Variants in OR11A1 observed in about 807,000 individuals in gnomAD.
OR11A1 encodes the protein olfactory receptor 11A1.
For missense variants in OR11A1, 380 were observed against 378.2 expected, an observed-to-expected ratio of 1.00 and a Z score of -0.04; for synonymous variants, 158 against 152.2, an observed-to-expected ratio of 1.04 and a Z score of -0.28.
At position 29,440,341 on chromosome 6, in the gene OR11A1, C is replaced by A. The variant is rs778887828; in HGVS notation, c.-388-8354G>T. On this transcript the variant is annotated intron_variant, in intron 1 of 4. Transcript: ENST00000377149. ...TTCTTCTTCCTCTTCTTTGGCGCCACGGAGTGCTGCCTCCTGGCAGCCATG... is the reference window on the plus strand; with the variant it reads ...TTCTTCTTCCTCTTCTTTGGCGCCAAGGAGTGCTGCCTCCTGGCAGCCATG... 2 of 1,614,088 alleles carry A rather than the reference C, an allele frequency of 1.2e-6. No individual in the cohort carries two copies. Among genetic ancestry groups the A allele is most frequent in the East Asian group, 4.5e-5 (2 of 44,870 alleles).
chr6:29,446,767 G>A (rs985064522), intron 1 of OR11A1, among the ~76,000 whole-genome samples: 1 of 152,172 alleles, frequency 6.6e-6, no homozygotes, highest in Non-Finnish European at 1.5e-5. Flanking sequence ...ACCAGTCAGT[G>A]ACCAAGCCCT....
At chr6:29,443,193 G>GTGGTGTGTA (rs1784379782) in intron 1 of OR11A1, among the ~76,000 whole-genome samples, 1 of 152,106 alleles carries the variant, frequency 6.6e-6, no homozygotes, top group African/African-American at 2.4e-5. Context: ...ACCCATGTAT[G>GTGGTGTGTA]CACCATGACA....
rs541712940 is a variant in OR11A1, at chr6:29,426,550, C to T, written c.*144G>A. 3.3e-6 allele frequency: 2 copies of T among 610,848 alleles called. No homozygotes were observed. Among genetic ancestry groups the T allele is most frequent in the South Asian group, 2.5e-5 (1 of 39,882 alleles). 37.8% of individuals were successfully genotyped at this position (610,848 alleles called of 1,614,324 possible). A position where few individuals can be genotyped will look rare whatever the true frequency, so the allele number is the denominator to read the frequency against. On this transcript the variant is annotated 3_prime_UTR_variant, in exon 5 of 5. Coordinates refer to ENST00000377149, the MANE Select transcript of OR11A1 (RefSeq NM_001394828.1). ...AAAATAAAAGTTAAAAAATTGTTGC[C>T]CTATCATTTTCATTTTTAGTATAAC...
chr6:29,438,536 GA>G (rs773455532), intron 1 of OR11A1, among the ~76,000 whole-genome samples: 14 of 152,108 alleles, frequency 9.2e-5, no homozygotes, highest in African/African-American at 3.4e-4. Context: ...ACAGTGATGG[GA>G]AAAAATCATG....
At chr6:29,430,488 GA>G in intron 2 of OR11A1, 63 bp from the exon 3 acceptor site, 3 of 941,400 alleles carry the variant, frequency 3.2e-6, no homozygotes, top group Non-Finnish European at 3.8e-6. Flanking sequence ...AATAGCTCAT[GA>G]CCACTACCTC....
intron 1 of OR11A1, chr6:29,440,676 C>G (rs1234123609): frequency 1.2e-6 from 2 of 1,614,060 alleles, no homozygotes; most frequent in Middle Eastern, 1.6e-4. Context: ...CGGGCGTATC[C>G]TCGTTACCAT....
Position 29,437,472 on chromosome 6 carries a change from C to G in OR11A1, c.-388-5485G>C, listed in dbSNP as rs189965016. 8.6e-5 allele frequency among the ~76,000 whole-genome samples: 13 copies of G among 150,750 alleles called. No individual in the cohort carries two copies. The South Asian group carries it at 1.5e-3, about 17-fold the overall frequency. ...ATAAAACCCATATTCAACTTTCCCA[C>G]TTGTTCCAAATCTTTTTTATAGTTG... is the stretch of plus-strand genomic sequence containing the variant. On this transcript the variant is annotated intron_variant, in intron 1 of 4. Coordinates refer to ENST00000377149, the MANE Select transcript of OR11A1 (RefSeq NM_001394828.1).
chr6:29,445,199 G>T (rs1212498032), intron 1 of OR11A1, among the ~76,000 whole-genome samples: 2 of 152,194 alleles, frequency 1.3e-5, no homozygotes, highest in African/African-American at 4.8e-5. Context: ...TAGAGACGGG[G>T]TTTCACCATG....
At chr6:29,447,916 A>G (rs182665601) in intron 1 of OR11A1, among the ~76,000 whole-genome samples, 1 of 151,812 alleles carries the variant, frequency 6.6e-6, no homozygotes, top group African/African-American at 2.4e-5. Flanking sequence ...TAGAAAGTAA[A>G]TGAGTCACAG....
intron 1 of OR11A1, among the ~76,000 whole-genome samples, chr6:29,434,417 A>G (rs1783480356): frequency 6.6e-6 from 1 of 152,168 alleles, no homozygotes. Context: ...TATTAAAAAG[A>G]CTTTTCTTTC....
At chr6:29,427,789 A>G (rs1278574549) in intron 4 of OR11A1, 57 bp from the exon 5 acceptor site, 3 of 1,279,126 alleles carry the variant, frequency 2.3e-6, no homozygotes, top group African/African-American at 3.0e-5. Context: ...AGACTCGCTC[A>G]CGCAAGTCTT....
chr6:29,438,324 G>T (rs539516560), intron 1 of OR11A1, among the ~76,000 whole-genome samples: 2 of 152,186 alleles, frequency 1.3e-5, no homozygotes, highest in South Asian at 2.1e-4. Context: ...AGTGACAATT[G>T]TATAAGAAAA....
intron 1 of OR11A1, 86 bp from the exon 2 acceptor site, chr6:29,432,073 T>G (rs1451628061): frequency 1.1e-6 from 1 of 871,246 alleles, no homozygotes; most frequent in African/African-American, 1.8e-5. Flanking sequence ...CTCCATCCCC[T>G]TTTCTAGCTC....
chr6:29,439,430 C>A (rs1360921266), intron 1 of OR11A1: 1 of 152,288 alleles, frequency 6.6e-6, no homozygotes, highest in African/African-American at 2.4e-5. Context: ...AAGAGAGGAT[C>A]TTTCTCATTT....
At chr6:29,450,080 G>A (rs1432669233) in intron 1 of OR11A1, 2 of 152,202 alleles carry the variant, frequency 1.3e-5, no homozygotes, top group African/African-American at 2.4e-5. Context: ...CGAAAAATGG[G>A]CCTGTGGCAG....
rs1461641287 is a variant in OR11A1, at chr6:29,455,767, T to C, written c.-389+1220A>G. On this transcript the variant is annotated intron_variant, in intron 1 of 4. Coordinates refer to ENST00000377149, the MANE Select transcript of OR11A1 (RefSeq NM_001394828.1). ...AGCATGCGCCTGTAATCCCAGCTAC[T>C]TGGGAGGCTGGGGCAGGAGTATCGC... 2.7e-5 allele frequency among the ~76,000 whole-genome samples: 4 copies of C among 150,318 alleles called. 1 individual carries two copies. The Admixed American group carries it at 2.7e-4, about 10-fold the overall frequency.
At chr6:29,434,453 T>A (rs1783482404) in intron 1 of OR11A1, among the ~76,000 whole-genome samples, 1 of 152,232 alleles carries the variant, frequency 6.6e-6, no homozygotes, top group African/African-American at 2.4e-5. Context: ...GTTTATATGA[T>A]CATATGGTTT....
chr6:29,428,690 G>A (rs1045098614), intron 4 of OR11A1, among the ~76,000 whole-genome samples: 8 of 148,460 alleles, frequency 5.4e-5, no homozygotes, highest in Admixed American at 2.8e-4. Context: ...TCAGGAGGCG[G>A]AGCTTGCAGT....
In OR11A1 at chr6:29,428,654, T is replaced by G. The variant is rs919389690; in HGVS notation, c.-92+259A>C. Among the ~76,000 whole-genome samples the G allele has an allele frequency of 2.7e-5, 4 of 147,888 alleles. No homozygotes were observed. The South Asian group carries it at 8.6e-4, about 32-fold the overall frequency. On this transcript the variant is annotated intron_variant, in intron 4 of 4. Coordinates refer to ENST00000377149, the MANE Select transcript of OR11A1 (RefSeq NM_001394828.1). Reference sequence around the variant, plus strand: ...CGCCTGTAGTCCCAGCTACTCGGGATGCCGAGGCAGAAGAATGGCGTGAAC... The same window carrying G: ...CGCCTGTAGTCCCAGCTACTCGGGAGGCCGAGGCAGAAGAATGGCGTGAAC...
Sources: allele counts gnomAD v4.1 joint callset (sites outside exome capture counted in the v4.1 genomes callset), GRCh38; gene constraint gnomAD v4.1.1; transcripts MANE v1.5; gene names NCBI Gene and HGNC (gene_info 2026-07-23, HGNC 2026-07-21).